The following CCDC178 variants were observed in gnomAD, a reference collection of about 807,000 sequenced individuals.
The protein encoded by CCDC178 is coiled-coil domain containing 178.
CCDC178 carries 126 observed loss-of-function variants against 117.4 expected under a neutral mutation model. The observed-to-expected ratio is 1.07, with a 90% CI of 0.93 to 1.24. The LOEUF is 1.24. CCDC178 is among the 50% of genes most tolerant of loss of function. CCDC178 has a pLI of 0.00. For missense variants in CCDC178, 1,030 were observed against 986.9 expected, an observed-to-expected ratio of 1.04 and a Z score of -0.59; for synonymous variants, 283 against 313.4, an observed-to-expected ratio of 0.90 and a Z score of 1.02.
At chr18:33,320,623 T>C (rs193151495) in intron 11 of CCDC178, among the ~76,000 whole-genome samples, 2,375 of 152,268 alleles carry the variant, frequency 0.016, 33 homozygotes, top group Non-Finnish European at 0.025. Flanking sequence ...TCCATGCTCA[T>C]GGATAGGAAG....
intron 11 of CCDC178, among the ~76,000 whole-genome samples, chr18:33,312,833 C>T (rs2144959434): frequency 6.6e-6 from 1 of 152,320 alleles, no homozygotes; most frequent in East Asian, 1.9e-4. Context: ...AGATGTTTAA[C>T]AGCTTGAATC....
chr18:33,340,189 G>A (rs1281527817), intron 9 of CCDC178, among the ~76,000 whole-genome samples: 1 of 152,110 alleles, frequency 6.6e-6, no homozygotes, highest in South Asian at 2.1e-4. Flanking sequence ...GGTGACTCTT[G>A]CTATGTTTTA....
At chr18:33,078,568 A>G (rs745501406) in intron 21 of CCDC178, among the ~76,000 whole-genome samples, 6 of 152,196 alleles carry the variant, frequency 3.9e-5, no homozygotes, top group Non-Finnish European at 7.4e-5. Context: ...CAGCTGATAA[A>G]CAACTTCAAC....
chr18:33,256,526 T>C (rs536313976), intron 14 of CCDC178, among the ~76,000 whole-genome samples: 1 of 152,214 alleles, frequency 6.6e-6, no homozygotes, highest in South Asian at 2.1e-4. Context: ...CCAACTTGAG[T>C]AAACTACGGT....
At chr18:33,310,235 A>G (rs371226319) in intron 11 of CCDC178, among the ~76,000 whole-genome samples, 1 of 152,176 alleles carries the variant, frequency 6.6e-6, no homozygotes, top group African/African-American at 2.4e-5. Flanking sequence ...CTGGGATTAC[A>G]GGTGTGCACC....
intron 21 of CCDC178, among the ~76,000 whole-genome samples, chr18:33,044,598 G>A (rs184272959): frequency 3.9e-5 from 6 of 151,964 alleles, no homozygotes; most frequent in Admixed American, 6.6e-5. Context: ...TAATACAACC[G>A]TTATGAAAAG....
intron 20 of CCDC178, among the ~76,000 whole-genome samples, chr18:33,172,913 T>C (rs968167201): frequency 1.3e-5 from 2 of 152,210 alleles, no homozygotes; most frequent in African/African-American, 4.8e-5. Flanking sequence ...ATAACTGATA[T>C]ATATCCTTCC....
intron 20 of CCDC178, among the ~76,000 whole-genome samples, chr18:33,195,996 G>A (rs1177570934): frequency 2.6e-5 from 4 of 152,168 alleles, no homozygotes; most frequent in Admixed American, 2.6e-4. Context: ...CACCTACTGG[G>A]ATGACCTCTG....
At chr18:33,429,656 C>G (rs764738677) in intron 2 of CCDC178, among the ~76,000 whole-genome samples, 1 of 152,082 alleles carries the variant, frequency 6.6e-6, no homozygotes, top group Non-Finnish European at 1.5e-5. Context: ...TAAAAAGAAC[C>G]TCTTTTAATT....
chr18:33,288,207 A>C (rs1341123655), intron 12 of CCDC178, among the ~76,000 whole-genome samples: 109 of 130,882 alleles, frequency 8.3e-4, no homozygotes, highest in East Asian at 1.2e-3. Flanking sequence ...TTACTTCCCT[A>C]CCTCCCTCCT....
At position 33,242,757 on chromosome 18, in the gene CCDC178, C is replaced by A. The variant is rs1449527365; in HGVS notation, c.1593+2488G>T. Among the ~76,000 whole-genome samples the A allele has an allele frequency of 2.0e-5, 3 of 151,656 alleles. No homozygotes were observed. The East Asian group carries it at 5.8e-4, about 29-fold the overall frequency. On this transcript the variant is annotated intron_variant, in intron 15 of 22. Transcript: ENST00000383096. ...ATAGTATACAAATATGAAAAAATAACAAATGCTGGTGAGATGTGGAAAAAA... is the reference window on the plus strand; with the variant it reads ...ATAGTATACAAATATGAAAAAATAAAAAATGCTGGTGAGATGTGGAAAAAA...
chr18:33,196,880 G>A (rs1035234192), intron 20 of CCDC178, among the ~76,000 whole-genome samples: 1 of 152,128 alleles, frequency 6.6e-6, no homozygotes, highest in Non-Finnish European at 1.5e-5. Flanking sequence ...CCTTGTAAAG[G>A]TAAGCCTGAT....
chr18:33,114,207 G>A (rs960266936), intron 20 of CCDC178, among the ~76,000 whole-genome samples: 2 of 152,020 alleles, frequency 1.3e-5, no homozygotes, highest in Non-Finnish European at 2.9e-5. Context: ...ATGAGGAAAG[G>A]ACTGGAGGAT....
chr18:33,233,287 T>A (rs916911255), intron 15 of CCDC178, among the ~76,000 whole-genome samples: 1 of 152,160 alleles, frequency 6.6e-6, no homozygotes, highest in Non-Finnish European at 1.5e-5. Context: ...AAGCTCTAAT[T>A]TACACTGAAT....
chr18:32,993,878 A>T (rs1016395226), intron 21 of CCDC178, among the ~76,000 whole-genome samples: 1 of 152,166 alleles, frequency 6.6e-6, no homozygotes, highest in African/African-American at 2.4e-5. Context: ...GTTTCCTTTC[A>T]CTTCAATTAC....
intron 21 of CCDC178, among the ~76,000 whole-genome samples, chr18:32,995,110 T>A (rs1003317517): frequency 2.0e-5 from 3 of 152,164 alleles, no homozygotes; most frequent in Non-Finnish European, 4.4e-5. Flanking sequence ...ATGGGCTCAG[T>A]CCCTGGAAAC....
chr18:33,267,119 T>C (rs1179985733), intron 13 of CCDC178, 67 bp from the exon 14 acceptor site: 5 of 1,524,638 alleles, frequency 3.3e-6, no homozygotes, highest in South Asian at 1.3e-5. Flanking sequence ...CCTATAATAA[T>C]GAAATCACTT....
intron 3 of CCDC178, among the ~76,000 whole-genome samples, chr18:33,409,258 T>A (rs1490944629): frequency 6.6e-6 from 1 of 152,046 alleles, no homozygotes; most frequent in Non-Finnish European, 1.5e-5. Flanking sequence ...CTAATTTTCG[T>A]ATTTTTTGTA....
intron 14 of CCDC178, among the ~76,000 whole-genome samples, chr18:33,260,933 T>C (rs67119940): frequency 0.067 from 10,246 of 152,246 alleles, 514 homozygotes; most frequent in African/African-American, 0.14. Context: ...TACCCTAACA[T>C]GAGTAACGAG....
Sources: allele counts gnomAD v4.1 joint callset (sites outside exome capture counted in the v4.1 genomes callset), GRCh38; gene constraint gnomAD v4.1.1; transcripts MANE v1.5; gene names NCBI Gene and HGNC (gene_info 2026-07-23, HGNC 2026-07-21).